SIGLEC5: variants seen among roughly 807,000 people sequenced by gnomAD.
The protein encoded by SIGLEC5 is sialic acid binding Ig like lectin 5, also known as sialic acid-binding Ig-like lectin 5.
A neutral mutation model predicts 45.9 loss-of-function variants in SIGLEC5; 34 were observed. The observed-to-expected ratio is 0.74, with a 90% confidence interval of 0.56 to 0.99. The LOEUF is 0.99. Among genes scored for constraint, SIGLEC5 ranks in the 50% least tolerant of loss-of-function variants. The pLI, the probability that SIGLEC5 is intolerant of heterozygous loss-of-function variation, is 0.00. For synonymous variants in SIGLEC5, 203 were observed against 258.6 expected (o/e 0.79, Z 2.06); for missense variants, 508 against 629.6 (o/e 0.81, Z 2.07).
chr19:51,628,222 CT>C, intron 4 of SIGLEC5, 131 bp from the exon 5 acceptor site: 1 of 1,064,640 alleles, frequency 9.4e-7, no homozygotes, highest in African/African-American at 1.6e-5. Context: ...TGATTGCATC[CT>C]GGTTCAAAGG....
intron 8 of SIGLEC5, among the ~76,000 whole-genome samples, chr19:51,616,497 T>C (rs1049752670): frequency 6.6e-6 from 1 of 152,070 alleles, no homozygotes; most frequent in African/African-American, 2.4e-5. Flanking sequence ...GAGAATAGAA[T>C]GACTATAATT....
chr19:51,616,074 C>T (rs1327936345), intron 8 of SIGLEC5, among the ~76,000 whole-genome samples: 11 of 152,210 alleles, frequency 7.2e-5, no homozygotes, highest in Non-Finnish European at 1.5e-4. Context: ...CCGTGCCCGG[C>T]GTCCCTGTCA....
chr19:51,614,738 G>A (rs1600098407), intron 8 of SIGLEC5, among the ~76,000 whole-genome samples: 1 of 152,302 alleles, frequency 6.6e-6, no homozygotes, highest in Non-Finnish European at 1.5e-5. Flanking sequence ...TCTTTGCTGA[G>A]TGCTTTCTTT....
Position 51,612,214 on chromosome 19 carries a change from G to T in SIGLEC5, c.*17C>A. 6.3e-7 allele frequency: 1 copy of T among 1,576,250 alleles called. No individual in the cohort carries two copies. The highest frequency in any genetic ancestry group is 8.6e-7 in the Non-Finnish European group (1 of 1,156,760). On this transcript the variant is annotated 3_prime_UTR_variant, in exon 9 of 9. Transcript: ENST00000683636. Reference sequence around the variant, plus strand: ...GGCTGTGGCTCCTCCAGCCAGGACTGAACTCTGGGCAAATCCTCACTTGCT... The same window carrying T: ...GGCTGTGGCTCCTCCAGCCAGGACTTAACTCTGGGCAAATCCTCACTTGCT...
chr19:51,617,892 AAAG>A (rs1983125606), intron 8 of SIGLEC5, among the ~76,000 whole-genome samples: 1 of 152,078 alleles, frequency 6.6e-6, no homozygotes, highest in South Asian at 2.1e-4. Flanking sequence ...TCAACATTGT[AAAG>A]AGTTGAAGGA....
At chr19:51,616,135 T>C (rs1983046149) in intron 8 of SIGLEC5, among the ~76,000 whole-genome samples, 2 of 152,160 alleles carry the variant, frequency 1.3e-5, no homozygotes, top group Admixed American at 1.3e-4. Context: ...CCTTCCCTCA[T>C]TCAAGAAACA....
At chr19:51,612,499 T>C in intron 8 of SIGLEC5, 77 bp from the exon 9 acceptor site, 4 of 1,067,236 alleles carry the variant, frequency 3.7e-6, no homozygotes, top group Non-Finnish European at 5.4e-6. Flanking sequence ...TATATTTATA[T>C]GTTGCCTTGG....
intron 8 of SIGLEC5, among the ~76,000 whole-genome samples, chr19:51,624,455 T>C (rs1195287601): frequency 1.3e-5 from 2 of 152,132 alleles, no homozygotes; most frequent in African/African-American, 4.8e-5. Context: ...ATGGTGGGTT[T>C]GCAGTTATTT....
chr19:51,621,651 A>T (rs992224859), intron 8 of SIGLEC5: 1 of 152,258 alleles, frequency 6.6e-6, no homozygotes, highest in Non-Finnish European at 1.5e-5. Flanking sequence ...CTAATTTTTC[A>T]GATGGTATCT....
intron 4 of SIGLEC5, among the ~76,000 whole-genome samples, 180 bp downstream of exon 4, chr19:51,628,854 CGTGT>C (rs1002489325): frequency 1.5e-5 from 2 of 137,786 alleles, no homozygotes; most frequent in Admixed American, 7.4e-5. Flanking sequence ...TGCATGTGTG[CGTGT>C]GTATGTGCGT....
Position 51,621,255 on chromosome 19 carries a change from T to G in SIGLEC5, c.1464+4777A>C, listed in dbSNP as rs530823429. 3.6e-4 allele frequency: 55 copies of G among 152,096 alleles called. 1 individual carries two copies. Among genetic ancestry groups the G allele is most frequent in the African/African-American group, 1.2e-3 (51 of 41,458 alleles). The allele number at this position is 152,096 out of a possible 1,614,324, so 9.4% of individuals were successfully genotyped here. A position where few individuals can be genotyped will look rare whatever the true frequency, so the allele number is the denominator to read the frequency against. On this transcript the variant is annotated intron_variant, in intron 8 of 8. Coordinates refer to ENST00000683636, the MANE Select transcript of SIGLEC5 (RefSeq NM_003830.4). ...AACCCAGCTGAGAAATTCAACCCCATCAATATAGGAAAGAAAAAGGAGAAG... is the reference window on the plus strand; with the variant it reads ...AACCCAGCTGAGAAATTCAACCCCAGCAATATAGGAAAGAAAAAGGAGAAG...
At position 51,629,345 on chromosome 19, in the gene SIGLEC5, C is replaced by T. The variant is rs1568594240; in HGVS notation, c.700+13G>A. ...GCCCTTGAGGACTCAGCTGTGTCCCCAGCACCACTCACAGGAGACATTGAG... is the reference window on the plus strand; with the variant it reads ...GCCCTTGAGGACTCAGCTGTGTCCCTAGCACCACTCACAGGAGACATTGAG... On this transcript the variant is annotated intron_variant, in intron 3 of 8. Transcript: ENST00000683636. 1 of 1,613,528 alleles carries T rather than the reference C, an allele frequency of 6.2e-7. No homozygotes were observed. Among genetic ancestry groups the T allele is most frequent in the South Asian group, 1.1e-5 (1 of 91,064 alleles).
At chr19:51,616,616 A>G (rs770448178) in intron 8 of SIGLEC5, among the ~76,000 whole-genome samples, 13 of 152,188 alleles carry the variant, frequency 8.5e-5, no homozygotes, top group Non-Finnish European at 1.5e-4. Flanking sequence ...GATGGAAGAT[A>G]GAAATAGAAA....
intron 8 of SIGLEC5, chr19:51,621,813 C>T (rs1983296902): frequency 6.6e-6 from 1 of 151,946 alleles, no homozygotes; most frequent in Non-Finnish European, 1.5e-5. Flanking sequence ...TTTTTAAATA[C>T]TTTCATTCTG....
At position 51,612,370 on chromosome 19, in the gene SIGLEC5, G is replaced by A. The variant is rs759197588; in HGVS notation, c.1517C>T (p.Pro506Leu). 8.1e-6 allele frequency: 13 copies of A among 1,613,140 alleles called. No individual in the cohort carries two copies. The highest frequency in any genetic ancestry group is 5.3e-5 in the African/African-American group (4 of 74,854). ...PDSPGDQASP[P>L]GDAPPLEEQK... ...TTCTTCCAAGGGAGGGGCATCCCCA[G>A]GAGGAGATGCTTGATCTCCGGGGCT... Residue 506 changes from proline (P) to leucine (L), a missense_variant, in exon 9 of 9, where the codon CCT becomes CTT. Coordinates refer to ENST00000683636, the MANE Select transcript of SIGLEC5 (RefSeq NM_003830.4).
Position 51,629,428 on chromosome 19 carries a change from G to T in SIGLEC5, c.630C>A (p.Asn210Lys), listed in dbSNP as rs761423237. 2 of 1,613,820 alleles carry T rather than the reference G, an allele frequency of 1.2e-6. No individual in the cohort carries two copies. Among genetic ancestry groups the T allele is most frequent in the Admixed American group, 1.7e-5 (1 of 59,976 alleles). The stretch of plus-strand genomic sequence containing the variant: ...CTTGGCGTTTCATCTGACAGGTGAG[G>T]TTGGTGCCATGGTCCTCGGGCCTGG... ...LTPRPEDHGTNLTCQMKRQGA... is the reference protein window; with the variant it reads ...LTPRPEDHGTKLTCQMKRQGA... The change falls in exon 3 of 9, where the codon AAC (asparagine) becomes AAA (lysine). Residue 210 changes from asparagine to lysine, a missense_variant. Coordinates refer to ENST00000683636, the MANE Select transcript of SIGLEC5 (RefSeq NM_003830.4).
intron 8 of SIGLEC5, among the ~76,000 whole-genome samples, chr19:51,623,650 A>G (rs574315969): frequency 6.6e-6 from 1 of 152,312 alleles, no homozygotes; most frequent in Non-Finnish European, 1.5e-5. Flanking sequence ...GAACAACAAG[A>G]TTTCCTAGGC....
intron 8 of SIGLEC5, among the ~76,000 whole-genome samples, chr19:51,619,580 TAA>T (rs1247897015): frequency 6.6e-6 from 1 of 152,168 alleles, no homozygotes; most frequent in Non-Finnish European, 1.5e-5. Flanking sequence ...CCAAATAATT[TAA>T]GATTCAAAGA....
At position 51,611,471 on chromosome 19, in the gene SIGLEC5, A is replaced by G. The variant is rs1982846916; in HGVS notation, c.*760T>C. On this transcript the variant is annotated 3_prime_UTR_variant, in exon 9 of 9. Transcript: ENST00000683636. ...AGGAAGGGTTAGGCAAGAGGAAAGT[A>G]TAAATGAATAGATAGCAGGGAGATC... Among the ~76,000 whole-genome samples the G allele has an allele frequency of 6.6e-6, 1 of 152,254 alleles. No individual in the cohort carries two copies. The highest frequency in any genetic ancestry group is 2.4e-5 in the African/African-American group (1 of 41,464).
Sources: allele counts gnomAD v4.1 joint callset (sites outside exome capture counted in the v4.1 genomes callset), GRCh38; gene constraint gnomAD v4.1.1; transcripts MANE v1.5; gene names NCBI Gene and HGNC (gene_info 2026-07-23, HGNC 2026-07-21).